The following SMC2 variants were observed in gnomAD, a reference collection of about 807,000 sequenced individuals.
SMC2 encodes structural maintenance of chromosomes 2.
SMC2 carries 41 observed loss-of-function variants against 142.6 expected under a neutral mutation model. The observed-to-expected ratio is 0.29, with a 90% CI of 0.22 to 0.37. SMC2 has a LOEUF of 0.37. Ranked by LOEUF, SMC2 falls within the 10% of genes least tolerant of loss-of-function variation. The pLI is 1.00. For synonymous variants in SMC2, 463 were observed against 457.5 expected (o/e 1.01, Z -0.15); for missense variants, 1,265 against 1,373.7 (o/e 0.92, Z 1.25).
upstream of SMC2, among the ~76,000 whole-genome samples, chr9:104,091,846 T>C (rs1178006166): frequency 1.2e-5 from 1 of 84,384 alleles, no homozygotes; most frequent in East Asian, 4.4e-4. Flanking sequence ...TGTGGCTGTA[T>C]GTGTGTCCTT....
rs1836025308 is a variant in SMC2, at chr9:104,141,301, C to T, written c.*1986C>T. The stretch of plus-strand genomic sequence containing the variant: ...AGGAAACTTGCTCAGGGTGATAATA[C>T]AGTTAGGAGTGTCAGGGCCCATGGA... On this transcript the variant is annotated 3_prime_UTR_variant, in exon 25 of 25. Transcript: ENST00000374793. The T allele has an allele frequency of 6.6e-6, 1 of 152,120 alleles. No individual in the cohort carries two copies. Among genetic ancestry groups the T allele is most frequent in the Non-Finnish European group, 1.5e-5 (1 of 68,032 alleles). The allele number at this position is 152,120 out of a possible 1,614,324, so 9.4% of individuals were successfully genotyped here. A position where few individuals can be genotyped will look rare whatever the true frequency, so the allele number is the denominator to read the frequency against.
intron 9 of SMC2, 62 bp from the exon 10 acceptor site, chr9:104,111,519 T>C: frequency 1.0e-6 from 1 of 996,326 alleles, no homozygotes; most frequent in Non-Finnish European, 1.5e-6. Context: ...AGGGTATGCG[T>C]ATAAGAAAGT....
intron 15 of SMC2, among the ~76,000 whole-genome samples, chr9:104,119,209 A>C (rs1833458962): frequency 6.6e-6 from 1 of 152,258 alleles, no homozygotes; most frequent in South Asian, 2.1e-4. Context: ...CAAATGGAAG[A>C]TAAAAAGAGA....
chr9:104,107,955 G>C (rs958436051), intron 9 of SMC2, among the ~76,000 whole-genome samples: 1 of 152,148 alleles, frequency 6.6e-6, no homozygotes, highest in Non-Finnish European at 1.5e-5. Context: ...GGTTGGATAT[G>C]CACCACTGGT....
intron 14 of SMC2, among the ~76,000 whole-genome samples, chr9:104,116,676 T>C (rs1337562412): frequency 1.3e-5 from 2 of 152,192 alleles, no homozygotes; most frequent in East Asian, 3.9e-4. Flanking sequence ...ATGTCAGGCA[T>C]ACTAAAACTG....
chr9:104,104,230 A>G (rs1831500685), intron 9 of SMC2, among the ~76,000 whole-genome samples: 1 of 152,212 alleles, frequency 6.6e-6, no homozygotes, highest in Non-Finnish European at 1.5e-5. Context: ...TCTATGAAGC[A>G]GGTTTATTGT....
chr9:104,134,298 C>A, intron 22 of SMC2, 117 bp from the exon 23 acceptor site: 1 of 622,990 alleles, frequency 1.6e-6, no homozygotes, highest in Non-Finnish European at 2.6e-6. Flanking sequence ...AGTTTGTCAG[C>A]CCCTGAGTTA....
rs1490771372 is a variant in SMC2 at position 104,139,402 on chromosome 9, A to AATTAATGTTACTGTGTTAC, written c.*88_*106dup. On this transcript the variant is annotated 3_prime_UTR_variant, in exon 25 of 25. Transcript: ENST00000374793. ...GATAACTAATTTGTTTATATACAAA[A>AATTAATGTTACTGTGTTAC]ATTAATGTTACTGTGTTACTTAACC... The AATTAATGTTACTGTGTTAC allele has an allele frequency of 8.3e-6, 9 of 1,081,526 alleles. No individual in the cohort carries two copies. The African/African-American group carries it at 1.3e-4, about 16-fold the overall frequency. The allele number at this position is 1,081,526 out of a possible 1,614,324, so 67.0% of individuals were successfully genotyped here.
chr9:104,114,840 T>C lies in SMC2; in HGVS notation c.1671+11T>C, dbSNP rs1242373101. 9 of 1,583,782 alleles carry C rather than the reference T, an allele frequency of 5.7e-6. No individual in the cohort carries two copies. The African/African-American group carries it at 9.6e-5, about 17-fold the overall frequency. ...GTAGTAGACACAGAAGTAAGTTGATTTTAATTTTAAAAAATTTAAAATTTG... is the reference window on the plus strand; with the variant it reads ...GTAGTAGACACAGAAGTAAGTTGATCTTAATTTTAAAAAATTTAAAATTTG... On this transcript the variant is annotated intron_variant, in intron 13 of 24. Transcript: ENST00000374793.
In SMC2 at chr9:104,102,458, C is replaced by T. The variant is rs1185888119; in HGVS notation, c.905C>T (p.Ala302Val). ...GGTATACTTCGATCTTTAGAAGATG[C>T]TCTTGCAGAGGCTCAGCGAGTTAAT... ...TGGILRSLED[A>V]LAEAQRVNTK... Residue 302 changes from alanine (A) to valine (V), a missense_variant, in exon 9 of 25, where the codon GCT becomes GTT. By Grantham distance (64) the Ala-to-Val change is moderately conservative (BLOSUM62 0). This residue lies in a region of SMC2 where 898 missense variants were observed against 904.2 expected (regional missense o/e 0.99). Coordinates refer to ENST00000374793, the MANE Select transcript of SMC2 (RefSeq NM_006444.3). The T allele has an allele frequency of 1.9e-6, 3 of 1,611,630 alleles. No homozygotes were observed. The highest frequency in any genetic ancestry group is 4.5e-5 in the East Asian group (2 of 44,768).
intron 16 of SMC2, among the ~76,000 whole-genome samples, chr9:104,121,478 AGAGT>A (rs1833731788): frequency 1.3e-5 from 2 of 152,030 alleles, no homozygotes; most frequent in African/African-American, 4.8e-5. Context: ...CCTTGGGGAC[AGAGT>A]GAGACCCTTT....
chr9:104,139,265 G>A lies in SMC2; in HGVS notation c.3544G>A (p.Glu1182Lys), dbSNP rs540282391. ...ATGTCAAAATGGAAAGATTTCAAAG[G>A]AAGCAAAATCCAAGGCAAAACCACC... is the stretch of plus-strand genomic sequence containing the variant. ...TQCQNGKISK[E>K]AKSKAKPPKG... is the part of the protein sequence containing the mutation. The change falls in exon 25 of 25, where the codon GAA becomes AAA. Residue 1182 changes from glutamate to lysine, a missense_variant. Glu to Lys is a moderately conservative substitution (Grantham distance 56). Around this residue, in one of 4 missense-constraint regions of SMC2, gnomAD observed 192 missense variants for 261.9 expected, o/e 0.73. Transcript: ENST00000374793. The A allele has an allele frequency of 1.9e-6, 3 of 1,601,148 alleles. No individual in the cohort carries two copies. The East Asian group carries it at 6.8e-5, about 36-fold the overall frequency.
At chr9:104,110,592 G>T (rs1435837835) in intron 9 of SMC2, among the ~76,000 whole-genome samples, 1 of 116,034 alleles carries the variant, frequency 8.6e-6, no homozygotes. Context: ...CATGTTTAAG[G>T]ATCAACTAAA....
chr9:104,116,450 C>A, intron 14 of SMC2, 131 bp downstream of exon 14: 2 of 751,546 alleles, frequency 2.7e-6, no homozygotes, highest in Non-Finnish European at 4.0e-6. Flanking sequence ...ATTGGGTTGG[C>A]TTGTGCAATT....
intron 1 of SMC2, 70 bp downstream of exon 1, chr9:104,094,547 G>C (rs998593719): frequency 2.9e-4 from 90 of 311,166 alleles, no homozygotes; most frequent in African/African-American, 7.8e-4. Flanking sequence ...GGAGGCGGGA[G>C]GCGGGGCGCG....
Position 104,139,514 on chromosome 9 carries a change from T to C in SMC2, c.*199T>C. On this transcript the variant is annotated 3_prime_UTR_variant, in exon 25 of 25. Coordinates refer to ENST00000374793, the MANE Select transcript of SMC2 (RefSeq NM_006444.3). Reference sequence around the variant, plus strand: ...AACTAGTCTAATTATGGTCCAATTATTGTGGTTGTGATTTTATGCATATCA... The same window carrying C: ...AACTAGTCTAATTATGGTCCAATTACTGTGGTTGTGATTTTATGCATATCA... 5 of 425,256 alleles carry C rather than the reference T, an allele frequency of 1.2e-5. No homozygotes were observed. The South Asian group carries it at 1.6e-4, about 14-fold the overall frequency. 26.3% of individuals were successfully genotyped at this position (425,256 alleles called of 1,614,324 possible).
chr9:104,104,212 C>T (rs1831497516), intron 9 of SMC2, among the ~76,000 whole-genome samples: 1 of 152,158 alleles, frequency 6.6e-6, no homozygotes, highest in African/African-American at 2.4e-5. Context: ...AGGCTTAACT[C>T]CCTAAACTCT....
At chr9:104,098,354 C>A in intron 3 of SMC2, 92 bp from the exon 4 acceptor site, 1 of 1,090,676 alleles carries the variant, frequency 9.2e-7, no homozygotes, top group Non-Finnish European at 1.3e-6. Context: ...GCTAGTCAGA[C>A]AGAACAAATA....
At chr9:104,109,180 A>T (rs7867181) in intron 9 of SMC2, among the ~76,000 whole-genome samples, 21,536 of 152,182 alleles carry the variant, frequency 0.14, 1,765 homozygotes, top group Non-Finnish European at 0.16. Context: ...AAAAAGTGTA[A>T]AACTTAACAT....
Sources: allele counts gnomAD v4.1 joint callset (sites outside exome capture counted in the v4.1 genomes callset), GRCh38; gene constraint gnomAD v4.1.1; regional missense constraint gnomAD v4.1.1; transcripts MANE v1.5; gene names NCBI Gene and HGNC (gene_info 2026-07-23, HGNC 2026-07-21).